The following RABGAP1L variants were observed in gnomAD, a reference collection of about 807,000 sequenced individuals.
RABGAP1L encodes rab GTPase-activating protein 1-like.
In RABGAP1L, 63 loss-of-function variants were observed where a neutral mutation model predicts 137.7. The ratio of observed to expected loss-of-function variants is 0.46; its 90% CI spans 0.37 to 0.56. The LOEUF (loss-of-function observed/expected upper bound fraction) is 0.56. Ranked by LOEUF, RABGAP1L falls within the 20% of genes least tolerant of loss-of-function variation. The pLI, the probability that RABGAP1L is intolerant of heterozygous loss-of-function variation, is 0.00. For synonymous variants in RABGAP1L, 431 were observed against 433.7 expected (o/e 0.99, Z 0.08); for missense variants, 1,095 against 1,244.0 (o/e 0.88, Z 1.80).
intron 13 of RABGAP1L, among the ~76,000 whole-genome samples, chr1:174,458,343 T>C (rs957758348): frequency 6.6e-6 from 1 of 151,098 alleles, no homozygotes; most frequent in East Asian, 1.9e-4. Flanking sequence ...AGAAAAAAAA[T>C]TTTTTTCTGT....
intron 13 of RABGAP1L, among the ~76,000 whole-genome samples, chr1:174,476,470 A>G (rs1344375203): frequency 1.3e-5 from 2 of 152,240 alleles, no homozygotes; most frequent in African/African-American, 2.4e-5. Context: ...AAGACAAAAC[A>G]CAAGAGATTT....
chr1:174,233,032 A>G (rs1670817883), intron 4 of RABGAP1L, among the ~76,000 whole-genome samples: 1 of 152,114 alleles, frequency 6.6e-6, no homozygotes, highest in Non-Finnish European at 1.5e-5. Flanking sequence ...AAGCTCCAGC[A>G]TATTTGGTGT....
chr1:174,790,911 C>G (rs995979442), intron 18 of RABGAP1L, among the ~76,000 whole-genome samples: 1 of 151,960 alleles, frequency 6.6e-6, no homozygotes, highest in Non-Finnish European at 1.5e-5. Flanking sequence ...AAAAATGAGG[C>G]TGAGCGTGGT....
chr1:174,219,833 A>G (rs1460612769), intron 2 of RABGAP1L, among the ~76,000 whole-genome samples: 2 of 152,212 alleles, frequency 1.3e-5, no homozygotes, highest in Non-Finnish European at 2.9e-5. Flanking sequence ...AAAAGGAAGC[A>G]AGTAAACTCA....
At chr1:174,566,774 G>C (rs1461278022) in intron 13 of RABGAP1L, among the ~76,000 whole-genome samples, 1 of 152,216 alleles carries the variant, frequency 6.6e-6, no homozygotes, top group East Asian at 1.9e-4. Flanking sequence ...GATCATGTTG[G>C]GAAAGCAAGG....
In RABGAP1L at chr1:174,786,099, G is replaced by C. The variant is rs143899949; in HGVS notation, c.2212-25733G>C. On this transcript the variant is annotated intron_variant, in intron 18 of 25. Transcript: ENST00000681986. ...TTATCTTCTCTAAATATAATAACTT[G>C]TAGAGGAGGAGTGTGGAAGAGTCTT... 2.1e-3 allele frequency among the ~76,000 whole-genome samples: 320 copies of C among 152,268 alleles called. 11 individuals are homozygous for C. In the East Asian group the frequency reaches 0.052, roughly 25 times the overall value.
At chr1:174,630,788 TC>T (rs1270985531) in intron 13 of RABGAP1L, among the ~76,000 whole-genome samples, 1 of 145,044 alleles carries the variant, frequency 6.9e-6, no homozygotes, top group Non-Finnish European at 1.5e-5. Flanking sequence ...TCTCTTTTTT[TC>T]TTTATTAGTC....
Position 174,250,468 on chromosome 1 carries a change from C to A in RABGAP1L, c.718-7C>A. The A allele has an allele frequency of 6.3e-7, 1 of 1,595,828 alleles. No homozygotes were observed. The highest frequency in any genetic ancestry group is 2.2e-5 in the East Asian group (1 of 44,540). On this transcript the variant is annotated splice_polypyrimidine_tract_variant and splice_region_variant and intron_variant, in intron 5 of 25. Coordinates refer to ENST00000681986, the MANE Select transcript of RABGAP1L (RefSeq NM_001366446.1). ...GCCTAATGGTATTTCCTTTTTTATT[C>A]TTTTAGGTAAGCAGAATTTTGTACA...
intron 1 of RABGAP1L, among the ~76,000 whole-genome samples, chr1:174,179,546 A>G (rs890056540): frequency 1.7e-4 from 6 of 34,568 alleles, no homozygotes; most frequent in African/African-American, 8.9e-4. Context: ...TAGCACGTGC[A>G]CACACACACA....
chr1:174,657,024 C>T (rs1252412503), intron 14 of RABGAP1L, among the ~76,000 whole-genome samples: 2 of 152,198 alleles, frequency 1.3e-5, no homozygotes, highest in Non-Finnish European at 2.9e-5. Flanking sequence ...TAGCCCTGCA[C>T]ATGAGCATTG....
chr1:174,326,614 A>T (rs1461222323), intron 11 of RABGAP1L, among the ~76,000 whole-genome samples: 1 of 152,152 alleles, frequency 6.6e-6, no homozygotes, highest in Non-Finnish European at 1.5e-5. Context: ...GAGGGACTGG[A>T]GTAGGGGAAG....
chr1:174,878,826 A>G (rs964517324), intron 19 of RABGAP1L, among the ~76,000 whole-genome samples: 4 of 152,088 alleles, frequency 2.6e-5, no homozygotes, highest in Admixed American at 2.6e-4. Context: ...TGAACAAAGT[A>G]TAAAAAGAAC....
chr1:174,198,918 C>G (rs200507227), intron 1 of RABGAP1L, among the ~76,000 whole-genome samples: 1 of 152,076 alleles, frequency 6.6e-6, no homozygotes, highest in Non-Finnish European at 1.5e-5. Flanking sequence ...AGACCAGCCT[C>G]ACCAACATGG....
intron 16 of RABGAP1L, chr1:174,701,094 T>A: frequency 7.7e-7 from 1 of 1,304,298 alleles, no homozygotes; most frequent in Non-Finnish European, 1.0e-6. Context: ...TTCTTCTTTT[T>A]GTGGTCTATT....
chr1:174,869,865 A>G (rs1651904323), intron 19 of RABGAP1L, among the ~76,000 whole-genome samples: 1 of 152,156 alleles, frequency 6.6e-6, no homozygotes, highest in Non-Finnish European at 1.5e-5. Context: ...TCTGCCTGTG[A>G]CTAGAAAACA....
At chr1:174,575,862 A>C (rs1040661473) in intron 13 of RABGAP1L, among the ~76,000 whole-genome samples, 4 of 152,160 alleles carry the variant, frequency 2.6e-5, no homozygotes, top group African/African-American at 9.7e-5. Context: ...AATGCTGCCA[A>C]TGCACTGGAT....
intron 18 of RABGAP1L, among the ~76,000 whole-genome samples, chr1:174,759,144 T>G (rs1685007687): frequency 6.6e-6 from 1 of 152,202 alleles, no homozygotes; most frequent in Non-Finnish European, 1.5e-5. Context: ...GGAGATAAAG[T>G]AGTAACCAGG....
intron 19 of RABGAP1L, among the ~76,000 whole-genome samples, chr1:174,901,085 T>G (rs746209916): frequency 3.9e-5 from 6 of 152,220 alleles, no homozygotes; most frequent in Non-Finnish European, 8.8e-5. Context: ...TGGTCTATTC[T>G]GCTATTTATA....
intron 13 of RABGAP1L, among the ~76,000 whole-genome samples, chr1:174,572,773 T>A (rs1261049016): frequency 6.6e-6 from 1 of 152,198 alleles, no homozygotes; most frequent in Non-Finnish European, 1.5e-5. Context: ...AGAAAAAGGA[T>A]GCACTAAGTT....
Sources: allele counts gnomAD v4.1 joint callset (sites outside exome capture counted in the v4.1 genomes callset), GRCh38; gene constraint gnomAD v4.1.1; transcripts MANE v1.5; gene names NCBI Gene and HGNC (gene_info 2026-07-23, HGNC 2026-07-21).